ATF3: variants seen among roughly 807,000 people sequenced by gnomAD.
ATF3 encodes activating transcription factor 3, also known as cyclic AMP-dependent transcription factor ATF-3.
A neutral mutation model predicts 18.4 loss-of-function variants in ATF3; 10 were observed. That is an observed-to-expected ratio of 0.54 (90% CI 0.34 to 0.92). The LOEUF is 0.92. Among genes scored for constraint, ATF3 ranks in the 40% least tolerant of loss-of-function variants. ATF3 has a pLI of 0.02. For synonymous variants in ATF3, 78 were observed against 87.9 expected (o/e 0.89, Z 0.63); for missense variants, 183 against 222.3 (o/e 0.82, Z 1.12).
chr1:212,571,649 A>T (rs1027667004), intron 1 of ATF3, among the ~76,000 whole-genome samples: 6 of 150,886 alleles, frequency 4.0e-5, no homozygotes, highest in African/African-American at 1.2e-4. Flanking sequence ...ACCTCAGTTG[A>T]TCCACCCACC....
At chr1:212,596,057 G>T (rs1038790219) in intron 1 of ATF3, among the ~76,000 whole-genome samples, 1 of 152,108 alleles carries the variant, frequency 6.6e-6, no homozygotes, top group African/African-American at 2.4e-5. Context: ...GTGACTGTGG[G>T]GTGTGGCCCC....
chr1:212,614,548 CT>C (rs766298744), intron 1 of ATF3, among the ~76,000 whole-genome samples: 1,900 of 107,930 alleles, frequency 0.018, 25 homozygotes, highest in African/African-American at 0.049. Context: ...GAAAAAGAGG[CT>C]TTTTTTTTTA....
intron 1 of ATF3, among the ~76,000 whole-genome samples, chr1:212,588,315 C>A (rs1461779441): frequency 1.3e-5 from 2 of 152,138 alleles, no homozygotes; most frequent in Non-Finnish European, 2.9e-5. Context: ...CCACCAGCAA[C>A]CACCAGGGAA....
chr1:212,612,053 C>T (rs1259887242), intron 1 of ATF3, among the ~76,000 whole-genome samples: 1 of 152,154 alleles, frequency 6.6e-6, no homozygotes, highest in African/African-American at 2.4e-5. Flanking sequence ...TGAATCATAC[C>T]TCGAGAGACT....
At chr1:212,596,054 T>A (rs1220651758) in intron 1 of ATF3, among the ~76,000 whole-genome samples, 1 of 152,238 alleles carries the variant, frequency 6.6e-6, no homozygotes, top group East Asian at 1.9e-4. Flanking sequence ...AAAGTGACTG[T>A]GGGGTGTGGC....
At chr1:212,598,130 T>C (rs538763188) in intron 1 of ATF3, among the ~76,000 whole-genome samples, 1 of 152,266 alleles carries the variant, frequency 6.6e-6, no homozygotes, top group Admixed American at 6.5e-5. Context: ...TATAGAACAA[T>C]GGGATAATTC....
At chr1:212,565,488 GT>G (rs1410475067) in intron 1 of ATF3, 1 of 152,178 alleles carries the variant, frequency 6.6e-6, no homozygotes, top group Non-Finnish European at 1.5e-5. Context: ...CAAAATGTGA[GT>G]CTTGACTTTT....
intron 1 of ATF3, among the ~76,000 whole-genome samples, chr1:212,600,028 A>G (rs530247093): frequency 6.6e-6 from 1 of 152,388 alleles, no homozygotes; most frequent in South Asian, 2.1e-4. Context: ...GAAAAAGGCT[A>G]TTTTAATTTC....
At chr1:212,566,151 G>T (rs1254464175) in intron 1 of ATF3, among the ~76,000 whole-genome samples, 1 of 152,192 alleles carries the variant, frequency 6.6e-6, no homozygotes, top group Non-Finnish European at 1.5e-5. Flanking sequence ...TTGTTTGGCA[G>T]CTGGTTCTGC....
At chr1:212,609,976 G>C (rs1290635807) in intron 1 of ATF3, among the ~76,000 whole-genome samples, 1 of 152,160 alleles carries the variant, frequency 6.6e-6, no homozygotes, top group Non-Finnish European at 1.5e-5. Context: ...ATTTTGGAGT[G>C]GTGTAGTGGG....
At position 212,619,335 on chromosome 1, in the gene ATF3, T is replaced by C; in HGVS notation, c.349-23T>C. On this transcript the variant is annotated intron_variant, in intron 3 of 3. Transcript: ENST00000341491. This position sits in a 1 kb window ranked among gnomAD's most constrained non-coding sequence, Gnocchi z 4.4. Reference sequence around the variant, plus strand: ...CACTGGCCCTTGGCTCCTTTCTTGATGCCTCTGTTGCTTGTCCCCCAGGAG... The same window carrying C: ...CACTGGCCCTTGGCTCCTTTCTTGACGCCTCTGTTGCTTGTCCCCCAGGAG... The C allele has an allele frequency of 6.2e-7, 1 of 1,612,750 alleles. No homozygotes were observed. Among genetic ancestry groups the C allele is most frequent in the South Asian group, 1.1e-5 (1 of 90,958 alleles).
intron 1 of ATF3, among the ~76,000 whole-genome samples, chr1:212,601,707 T>C (rs543486696): frequency 6.6e-6 from 1 of 152,310 alleles, no homozygotes; most frequent in Non-Finnish European, 1.5e-5. Flanking sequence ...CAGTAAATAG[T>C]AATTACTAAA....
chr1:212,613,491 C>G (rs1439119647), intron 1 of ATF3: 1 of 152,206 alleles, frequency 6.6e-6, no homozygotes, highest in African/African-American at 2.4e-5. Flanking sequence ...GGGCAAATGA[C>G]TTAGTTTGTC....
At chr1:212,607,517 C>A (rs1654671118), upstream of ATF3, among the ~76,000 whole-genome samples, 1 of 152,260 alleles carries the variant, frequency 6.6e-6, no homozygotes, top group Non-Finnish European at 1.5e-5. Flanking sequence ...CTGCTGAGGT[C>A]TCAGCTCGAA....
At chr1:212,584,412 G>T (rs1368840302) in intron 1 of ATF3, among the ~76,000 whole-genome samples, 1 of 152,142 alleles carries the variant, frequency 6.6e-6, no homozygotes, top group Admixed American at 6.5e-5. Context: ...AGCCAATGGT[G>T]CAGTTCCAGT....
Position 212,620,213 on chromosome 1 carries a change from G to A in ATF3, c.*658G>A, listed in dbSNP as rs1373711650. ...TCAAGATATTCAGGTGGCCAGAAGA[G>A]CTTGTCAGCAAGAGGAGGACAGAAT... On this transcript the variant is annotated 3_prime_UTR_variant, in exon 4 of 4. Transcript: ENST00000341491. The A allele has an allele frequency of 6.5e-6, 1 of 153,704 alleles. No homozygotes were observed. The highest frequency in any genetic ancestry group is 1.5e-5 in the Non-Finnish European group (1 of 68,828). The allele number at this position is 153,704 out of a possible 1,614,324, so 9.5% of individuals were successfully genotyped here.
rs868121623 is a variant in ATF3 at position 212,618,805 on chromosome 1, C to T, written c.349-553C>T. On this transcript the variant is annotated intron_variant, in intron 3 of 3. Transcript: ENST00000341491. The surrounding 1 kb of genome is among the most constrained non-coding windows in gnomAD (Gnocchi z 4.4). ...AGCTTTTGTGGGCAAGCAGGGTGGC[C>T]GGTGGTGCTCAGCAGTCTTTCCAGT... 16 of 585,264 alleles carry T rather than the reference C, an allele frequency of 2.7e-5. No individual in the cohort carries two copies. The highest frequency in any genetic ancestry group is 4.5e-4 in the Middle Eastern group (1 of 2,212). The allele number at this position is 585,264 out of a possible 1,614,324, so 36.3% of individuals were successfully genotyped here.
intron 1 of ATF3, among the ~76,000 whole-genome samples, chr1:212,569,757 A>G (rs1055696432): frequency 3.3e-5 from 5 of 151,978 alleles, no homozygotes; most frequent in Non-Finnish European, 5.9e-5. Flanking sequence ...CTAATACTCT[A>G]TGTTAAACAT....
intron 1 of ATF3, among the ~76,000 whole-genome samples, chr1:212,567,434 C>T (rs1664404831): frequency 6.6e-6 from 1 of 152,192 alleles, no homozygotes; most frequent in South Asian, 2.1e-4. Flanking sequence ...GGAAAAACAG[C>T]CCTTCTCTCT....
Sources: allele counts gnomAD v4.1 joint callset (sites outside exome capture counted in the v4.1 genomes callset), GRCh38; gene constraint gnomAD v4.1.1; non-coding constraint Gnocchi (gnomAD v3.1); transcripts MANE v1.5; gene names NCBI Gene and HGNC (gene_info 2026-07-23, HGNC 2026-07-21).